UBASH3A: variants seen among roughly 807,000 people sequenced by gnomAD.
UBASH3A encodes the protein ubiquitin-associated and SH3 domain-containing protein A.
UBASH3A carries 63 observed loss-of-function variants against 73.5 expected under a neutral mutation model. The ratio of observed to expected loss-of-function variants is 0.86; its 90% CI spans 0.70 to 1.06. The LOEUF (loss-of-function observed/expected upper bound fraction) is 1.06, where lower values mean the gene tolerates loss of function less well. Among genes scored for constraint, UBASH3A ranks in the 50% least tolerant of loss-of-function variants. UBASH3A has a pLI of 0.00. For missense variants in UBASH3A, 860 were observed against 859.0 expected (o/e 1.00, Z -0.02); for synonymous variants, 363 against 351.1 (o/e 1.03, Z -0.38).
chr21:42,407,086 A>G (rs1407169392), intron 2 of UBASH3A, among the ~76,000 whole-genome samples: 1 of 152,092 alleles, frequency 6.6e-6, no homozygotes, highest in Non-Finnish European at 1.5e-5. Context: ...CTCACCAGGT[A>G]CCAGCTGCGT....
At chr21:42,431,782 C>T (rs1334598721) in intron 8 of UBASH3A, among the ~76,000 whole-genome samples, 2 of 152,140 alleles carry the variant, frequency 1.3e-5, no homozygotes, top group African/African-American at 2.4e-5. Context: ...TGTCCTAAGA[C>T]GTCTCTATGG....
intron 2 of UBASH3A, 60 bp from the exon 3 acceptor site, chr21:42,409,362 C>T (rs1403064191): frequency 6.7e-7 from 1 of 1,487,756 alleles, no homozygotes. Flanking sequence ...TGTGTATCCT[C>T]AAAGGGGAAA....
Position 42,438,575 on chromosome 21 carries a change from C to T in UBASH3A, c.1486+995C>T, listed in dbSNP as rs1198703668. Among the ~76,000 whole-genome samples, 3 of 152,160 alleles carry T rather than the reference C, an allele frequency of 2.0e-5. No homozygotes were observed. The South Asian group carries it at 6.2e-4, about 32-fold the overall frequency. ...GTGGAGAGTGGGATGCAGGTAAGGG[C>T]AGGGTTGAGCTGTGAGTACGGTGGA... On this transcript the variant is annotated intron_variant, in intron 11 of 14. Coordinates refer to ENST00000319294, the MANE Select transcript of UBASH3A (RefSeq NM_018961.4).
intron 3 of UBASH3A, among the ~76,000 whole-genome samples, chr21:42,411,130 T>C (rs1022159614): frequency 7.4e-6 from 1 of 134,532 alleles, no homozygotes; most frequent in Non-Finnish European, 1.6e-5. Flanking sequence ...CACAGAGACG[T>C]ACACAGCACA....
At chr21:42,404,244 C>T (rs748733123) in intron 1 of UBASH3A, 186 bp downstream of exon 1, 5 of 382,996 alleles carry the variant, frequency 1.3e-5, no homozygotes, top group Non-Finnish European at 2.3e-5. Flanking sequence ...GTGATCTTGA[C>T]CAAGCTTGTC....
At chr21:42,411,054 T>C (rs1368337626) in intron 3 of UBASH3A, among the ~76,000 whole-genome samples, 3 of 112,656 alleles carry the variant, frequency 2.7e-5, no homozygotes, top group Non-Finnish European at 5.3e-5. Context: ...CACACACAGA[T>C]ACACACACAT....
chr21:42,441,227 A>AT (rs2053734323), intron 11 of UBASH3A, among the ~76,000 whole-genome samples: 1 of 152,172 alleles, frequency 6.6e-6, no homozygotes, highest in Non-Finnish European at 1.5e-5. Context: ...AACTTTGTTT[A>AT]AATTCAATGT....
intron 2 of UBASH3A, among the ~76,000 whole-genome samples, chr21:42,407,445 A>AAG (rs2052999907): frequency 6.6e-6 from 1 of 152,180 alleles, no homozygotes; most frequent in African/African-American, 2.4e-5. Flanking sequence ...ATCAGAAACA[A>AAG]GCCCACTGCT....
intron 13 of UBASH3A, among the ~76,000 whole-genome samples, chr21:42,444,283 G>T (rs939227567): frequency 9.9e-5 from 15 of 152,212 alleles, no homozygotes; most frequent in African/African-American, 3.6e-4. Flanking sequence ...GACCACAGGG[G>T]GTGGCTCAGC....
At chr21:42,431,110 G>A (rs534742880) in intron 8 of UBASH3A, among the ~76,000 whole-genome samples, 2 of 152,310 alleles carry the variant, frequency 1.3e-5, no homozygotes, top group South Asian at 2.1e-4. Context: ...GGTCCCAGGG[G>A]GGGCATCCTC....
chr21:42,416,243 C>T lies in UBASH3A; in HGVS notation c.668-199C>T, dbSNP rs577841820. On this transcript the variant is annotated intron_variant, in intron 5 of 14. Transcript: ENST00000319294. ...GGCCCCCGAGACCCTGAACCCACAT[C>T]TCCATATCGTCCTCTTTCCTACTTC... is the stretch of plus-strand genomic sequence containing the variant. Among the ~76,000 whole-genome samples the T allele has an allele frequency of 6.2e-4, 95 of 152,236 alleles. 1 individual carries two copies. Among genetic ancestry groups the T allele is most frequent in the African/African-American group, 2.1e-3 (87 of 41,534 alleles).
chr21:42,428,657 A>G (rs1024244260), intron 8 of UBASH3A, among the ~76,000 whole-genome samples: 2 of 151,978 alleles, frequency 1.3e-5, no homozygotes, highest in Admixed American at 6.6e-5. Flanking sequence ...AGTGACATCT[A>G]AAATAACATT....
In UBASH3A at chr21:42,413,124, C is replaced by A; in HGVS notation, c.455C>A (p.Ser152Tyr). The change falls in exon 4 of 15, where the codon TCC (serine) becomes TAC (tyrosine). Residue 152 changes from serine to tyrosine, a missense_variant. Transcript: ENST00000319294. This position sits in a 1 kb window ranked among gnomAD's most constrained non-coding sequence, Gnocchi z 4.5. ...ACGGCCGTGCCTCTGGCTCTCCACTCCTCCATCAGCTACCTCGGCTTCTTC... is the reference window on the plus strand; with the variant it reads ...ACGGCCGTGCCTCTGGCTCTCCACTACTCCATCAGCTACCTCGGCTTCTTC... ...FPTAVPLALH[S>Y]SISYLGFFVS... 6.2e-7 allele frequency: 1 copy of A among 1,614,226 alleles called. No homozygotes were observed. Among genetic ancestry groups the A allele is most frequent in the Non-Finnish European group, 8.5e-7 (1 of 1,180,038 alleles).
Position 42,413,108 on chromosome 21 carries a change from C to A in UBASH3A, c.439C>A (p.Pro147Thr). ...CCTGGGCTCCTTCCCCACGGCCGTG[C>A]CTCTGGCTCTCCACTCCTCCATCAG... ...RLLGSFPTAVPLALHSSISYL... is the reference protein window; with the variant it reads ...RLLGSFPTAVTLALHSSISYL... Residue 147 changes from proline to threonine, a missense_variant, in exon 4 of 15, where the codon CCT becomes ACT. By Grantham distance (38) the Pro-to-Thr change is conservative. Transcript: ENST00000319294. The surrounding 1 kb of genome is among the most constrained non-coding windows in gnomAD (Gnocchi z 4.5). The A allele has an allele frequency of 6.2e-7, 1 of 1,614,226 alleles. No homozygotes were observed. Among genetic ancestry groups the A allele is most frequent in the Non-Finnish European group, 8.5e-7 (1 of 1,180,038 alleles).
rs780252090 is a variant in UBASH3A at position 42,418,593 on chromosome 21, A to G, written c.1030A>G (p.Thr344Ala). The change falls in exon 7 of 15, where the codon ACG becomes GCG. Residue 344 changes from threonine to alanine, a missense_variant. Coordinates refer to ENST00000319294, the MANE Select transcript of UBASH3A (RefSeq NM_018961.4). ...NYTDRASESD[T>A]WVKHRMYTFS... ...CACGGATCGAGCCAGTGAGTCTGACACGTGGGTGAAGCACAGGTGAGTGCT... is the reference window on the plus strand; with the variant it reads ...CACGGATCGAGCCAGTGAGTCTGACGCGTGGGTGAAGCACAGGTGAGTGCT... 6.2e-7 allele frequency: 1 copy of G among 1,614,056 alleles called. No individual in the cohort carries two copies. Among genetic ancestry groups the G allele is most frequent in the African/African-American group, 1.3e-5 (1 of 75,052 alleles).
At chr21:42,425,763 G>A (rs973184121) in intron 7 of UBASH3A, among the ~76,000 whole-genome samples, 5 of 150,294 alleles carry the variant, frequency 3.3e-5, no homozygotes, top group Non-Finnish European at 5.9e-5. Flanking sequence ...AGGAGTGGGA[G>A]CTACTGCTGG....
chr21:42,446,381 C>T (rs1028136724), intron 14 of UBASH3A, among the ~76,000 whole-genome samples: 8 of 152,316 alleles, frequency 5.3e-5, no homozygotes, highest in East Asian at 3.9e-4. Flanking sequence ...CACCGCCCCT[C>T]GCCCACAGCC....
chr21:42,443,076 TC>T, intron 12 of UBASH3A: 1 of 1,295,660 alleles, frequency 7.7e-7, no homozygotes, highest in Non-Finnish European at 9.9e-7. Context: ...TCCACCCATG[TC>T]TGACTCTGCC....
chr21:42,426,857 A>G, intron 8 of UBASH3A, 37 bp downstream of exon 8: 7 of 1,607,572 alleles, frequency 4.4e-6, no homozygotes, highest in Non-Finnish European at 5.9e-6. Flanking sequence ...TAAGTAAACT[A>G]AGCAAAACTA....
Sources: gnomAD v4.1 joint callset for allele counts (sites outside exome capture counted in the v4.1 genomes callset) on GRCh38, gnomAD v4.1.1 for gene constraint, Gnocchi (gnomAD v3.1) non-coding constraint, MANE v1.5 for transcripts, NCBI Gene and HGNC (gene_info 2026-07-23, HGNC 2026-07-21) for gene names.